Variants in FANCD2 observed in about 807,000 individuals in gnomAD.
The protein encoded by FANCD2 is Fanconi anemia group D2 protein.
A neutral mutation model predicts 192.3 loss-of-function variants in FANCD2; 131 were observed. The observed-to-expected ratio is 0.68, with a 90% CI of 0.59 to 0.79. FANCD2 has a LOEUF of 0.79. Among genes scored for constraint, FANCD2 ranks in the 30% least tolerant of loss-of-function variants. The probability of loss-of-function intolerance (pLI) is 0.00; values close to 1 mark genes in which losing one functional copy is unlikely to be tolerated. For missense variants in FANCD2, 1,508 were observed against 1,701.6 expected (o/e 0.89, Z 2.00); for synonymous variants, 524 against 612.5 (o/e 0.86, Z 2.13).
chr3:10,055,943 A>G (rs993934517), intron 18 of FANCD2, among the ~76,000 whole-genome samples: 3 of 152,122 alleles, frequency 2.0e-5, no homozygotes, highest in African/African-American at 7.2e-5. Context: ...CAATGGCACA[A>G]TCTTGGCTTA....
At chr3:10,042,003 G>A (rs2086876712) in intron 10 of FANCD2, among the ~76,000 whole-genome samples, 1 of 151,634 alleles carries the variant, frequency 6.6e-6, no homozygotes, top group African/African-American at 2.4e-5. Flanking sequence ...AGTTCAAGCA[G>A]TTCCCTGACT....
intron 36 of FANCD2, among the ~76,000 whole-genome samples, chr3:10,089,320 G>A (rs971524999): frequency 2.6e-5 from 4 of 151,484 alleles, no homozygotes; most frequent in South Asian, 2.1e-4. Flanking sequence ...ACTGTCCAAC[G>A]TATATAGCTT....
chr3:10,054,391 ATATACG>A (rs1420619188), intron 18 of FANCD2, among the ~76,000 whole-genome samples: 3 of 109,026 alleles, frequency 2.8e-5, no homozygotes, highest in East Asian at 4.8e-4. Flanking sequence ...ATATATATGT[ATATACG>A]TATATGTATA....
At chr3:10,063,692 A>C (rs780651458) in intron 20 of FANCD2, 100 bp from the exon 21 acceptor site, 2 of 1,493,084 alleles carry the variant, frequency 1.3e-6, no homozygotes, top group Non-Finnish European at 1.9e-6. Flanking sequence ...GAGCTTTGCC[A>C]GTAAAATCAG....
intron 21 of FANCD2, 151 bp from the exon 22 acceptor site, chr3:10,064,205 C>T: frequency 1.2e-6 from 1 of 802,990 alleles, no homozygotes; most frequent in Non-Finnish European, 2.2e-6. Flanking sequence ...TATGCACTCT[C>T]TCTTTTCTAC....
chr3:10,075,088 C>T (rs999220368), intron 29 of FANCD2, among the ~76,000 whole-genome samples: 10 of 152,140 alleles, frequency 6.6e-5, no homozygotes, highest in African/African-American at 1.7e-4. Context: ...ACTTGCATTT[C>T]AGTAGTACAT....
chr3:10,035,105 A>G, intron 5 of FANCD2, 68 bp from the exon 6 acceptor site: 1 of 1,336,660 alleles, frequency 7.5e-7, no homozygotes, highest in South Asian at 1.2e-5. Flanking sequence ...AATTTTATTG[A>G]GAAAAGATGA....
Position 10,034,522 on chromosome 3 carries a change from C to G in FANCD2, c.259C>G (p.Pro87Ala). 1 of 1,610,298 alleles carries G rather than the reference C, an allele frequency of 6.2e-7. No individual in the cohort carries two copies. The highest frequency in any genetic ancestry group is 2.2e-5 in the East Asian group (1 of 44,842). ...KKLFQTLRRHPSYPKIIEEFV... is the reference protein window; with the variant it reads ...KKLFQTLRRHASYPKIIEEFV... ...GCTCTTTCAGACCCTGAGGAGACAC[C>G]CTTCCTATCCCAAAGTATGTATTTT... is the stretch of plus-strand genomic sequence containing the variant. The change falls in exon 4 of 44, where the codon CCT becomes GCT. Residue 87 changes from proline (P) to alanine (A), a missense_variant. Transcript: ENST00000675286.
At position 10,039,210 on chromosome 3, in the gene FANCD2, A is replaced by C. The variant is rs1204561500; in HGVS notation, c.492-69A>C. 18 of 1,086,934 alleles carry C rather than the reference A, an allele frequency of 1.7e-5. No individual in the cohort carries two copies. In the Admixed American group the frequency reaches 3.3e-4, roughly 20 times the overall value. 67.3% of individuals were successfully genotyped at this position (1,086,934 alleles called of 1,614,324 possible). ...ATGGAATGGCTAAAATATTTTGTGC[A>C]GTATTAATGCTTGCTGTTATTTTGA... On this transcript the variant is annotated intron_variant, in intron 7 of 43. Coordinates refer to ENST00000675286, the MANE Select transcript of FANCD2 (RefSeq NM_001018115.3).
intron 9 of FANCD2, chr3:10,040,178 G>A: frequency 2.7e-6 from 1 of 373,654 alleles, no homozygotes; most frequent in East Asian, 5.5e-5. Flanking sequence ...GGGACTAGAG[G>A]CACCTGCTAC....
chr3:10,080,125 G>C (rs1296894538), intron 30 of FANCD2, among the ~76,000 whole-genome samples: 1 of 151,992 alleles, frequency 6.6e-6, no homozygotes, highest in Admixed American at 6.6e-5. Flanking sequence ...ATGTTGGCCA[G>C]GATTGTCTTG....
At chr3:10,066,737 T>C (rs1279651622) in intron 25 of FANCD2, among the ~76,000 whole-genome samples, 1 of 152,130 alleles carries the variant, frequency 6.6e-6, no homozygotes, top group Non-Finnish European at 1.5e-5. Flanking sequence ...TGTTTTTTGT[T>C]TTTTTGAGAC....
At chr3:10,046,335 G>C (rs184433000) in intron 14 of FANCD2, 1 of 475,844 alleles carries the variant, frequency 2.1e-6, no homozygotes, top group Non-Finnish European at 3.7e-6. Context: ...TTACAGATGT[G>C]AGCCACTGTG....
At chr3:10,035,769 G>C (rs1297374450) in intron 6 of FANCD2, among the ~76,000 whole-genome samples, 1 of 152,108 alleles carries the variant, frequency 6.6e-6, no homozygotes, top group Non-Finnish European at 1.5e-5. Context: ...AAATCTTGAA[G>C]ATAATTTAGT....
chr3:10,090,415 TG>T, intron 37 of FANCD2, 30 bp downstream of exon 37: 1 of 1,269,002 alleles, frequency 7.9e-7, no homozygotes, highest in Non-Finnish European at 1.1e-6. Context: ...CTTCAAGAAG[TG>T]GACTTTGGAT....
At chr3:10,074,770 G>C in intron 29 of FANCD2, 97 bp downstream of exon 29, 1 of 1,166,502 alleles carries the variant, frequency 8.6e-7, no homozygotes, top group Non-Finnish European at 1.3e-6. Context: ...ACTGAGGAGA[G>C]AAGTTAGACT....
In FANCD2 at chr3:10,063,788, C is replaced by T; in HGVS notation, c.1828-4C>T. ...GTTTAAACCATTCTTCCTCTTTGCT[C>T]CAGGTGACCTCCTTGTTGCAGTTGG... is the stretch of plus-strand genomic sequence containing the variant. On this transcript the variant is annotated splice_region_variant and splice_polypyrimidine_tract_variant and intron_variant, in intron 20 of 43. Coordinates refer to ENST00000675286, the MANE Select transcript of FANCD2 (RefSeq NM_001018115.3). The T allele has an allele frequency of 6.2e-7, 1 of 1,614,200 alleles. No homozygotes were observed. Among genetic ancestry groups the T allele is most frequent in the Non-Finnish European group, 8.5e-7 (1 of 1,180,044 alleles).
intron 10 of FANCD2, 46 bp from the exon 11 acceptor site, chr3:10,042,513 G>T (rs769631118): frequency 4.5e-6 from 6 of 1,343,310 alleles, no homozygotes; most frequent in Non-Finnish European, 4.3e-6. Flanking sequence ...CAAAGTTGAG[G>T]TAGTGACATG....
At chr3:10,041,839 T>A in intron 10 of FANCD2, 129 bp downstream of exon 10, 1 of 649,718 alleles carries the variant, frequency 1.5e-6, no homozygotes, top group Non-Finnish European at 2.7e-6. Context: ...ATTTGATATC[T>A]CTCTTTTTTT....
Sources: gnomAD v4.1 joint callset for allele counts (sites outside exome capture counted in the v4.1 genomes callset) on GRCh38, gnomAD v4.1.1 for gene constraint, MANE v1.5 for transcripts, NCBI Gene and HGNC (gene_info 2026-07-23, HGNC 2026-07-21) for gene names.